Variants in DAB1 observed in about 807,000 individuals in gnomAD.
The protein encoded by DAB1 is DAB adaptor protein 1, also known as disabled homolog 1.
Under a neutral mutation model 64.6 loss-of-function variants are expected in DAB1, and 15 were observed. That is an observed-to-expected ratio of 0.23 (90% CI 0.16 to 0.36). The LOEUF (loss-of-function observed/expected upper bound fraction) is 0.36. Among genes scored for constraint, DAB1 ranks in the 10% least tolerant of loss-of-function variants. DAB1 has a pLI of 1.00. For missense variants in DAB1, 596 were observed against 706.7 expected (o/e 0.84, Z 1.78); for synonymous variants, 235 against 251.9 (o/e 0.93, Z 0.64).
chr1:57,753,187 AT>A (rs1648635518), intron 6 of DAB1, among the ~76,000 whole-genome samples: 1 of 152,146 alleles, frequency 6.6e-6, no homozygotes, highest in African/African-American at 2.4e-5. Flanking sequence ...TCAACATGAC[AT>A]TTAACATAGG....
intron 1 of DAB1, among the ~76,000 whole-genome samples, chr1:57,408,263 G>A (rs1412129569): frequency 6.6e-6 from 1 of 150,676 alleles, no homozygotes. Context: ...GGGATCTAAT[G>A]TGTTCATAAT....
intron 2 of DAB1, among the ~76,000 whole-genome samples, chr1:57,181,475 A>G (rs1195664833): frequency 1.3e-5 from 2 of 152,186 alleles, no homozygotes; most frequent in East Asian, 3.9e-4. Context: ...GAAAATGCCC[A>G]TGACAATCTA....
At chr1:57,378,170 C>T (rs553652889) in intron 1 of DAB1, among the ~76,000 whole-genome samples, 26 of 152,290 alleles carry the variant, frequency 1.7e-4, no homozygotes, top group Admixed American at 9.2e-4. Flanking sequence ...AAACAAAAGA[C>T]GTCCAGCTCA....
chr1:57,364,704 T>C (rs960314533), intron 1 of DAB1, among the ~76,000 whole-genome samples: 5 of 151,994 alleles, frequency 3.3e-5, no homozygotes, highest in African/African-American at 1.2e-4. Flanking sequence ...AAGGGAATAC[T>C]ACTAATAAAC....
At chr1:57,849,165 G>A (rs1308591977) in intron 1 of DAB1, among the ~76,000 whole-genome samples, 2 of 152,118 alleles carry the variant, frequency 1.3e-5, no homozygotes, top group Admixed American at 6.5e-5. Flanking sequence ...ACCAGCCCTG[G>A]AGCACTATGT....
rs1445858370 is a variant in DAB1 at position 57,652,702 on chromosome 1, T to C, written n.552-3037A>G. On this transcript the variant is annotated intron_variant and non_coding_transcript_variant, in intron 6 of 20. Transcript: ENST00000485760. ...CTTAATGTAGCTAAAGATTTGTAAA[T>C]TTTGATCTTTTTAAAGAACCAACTC... Among the ~76,000 whole-genome samples, 7 of 152,246 alleles carry C rather than the reference T, an allele frequency of 4.6e-5. 1 individual carries two copies. The highest frequency in any genetic ancestry group is 4.6e-4 in the Admixed American group (7 of 15,286).
At chr1:58,514,414 C>G (rs1406239421) in intron 2 of DAB1, among the ~76,000 whole-genome samples, 1 of 152,138 alleles carries the variant, frequency 6.6e-6, no homozygotes, top group African/African-American at 2.4e-5. Context: ...TTACCTGTAG[C>G]CAACGTTTTC....
intron 2 of DAB1, among the ~76,000 whole-genome samples, chr1:57,244,693 A>G (rs1219458936): frequency 1.3e-5 from 2 of 152,214 alleles, no homozygotes; most frequent in African/African-American, 4.8e-5. Flanking sequence ...GGCTTCAAAT[A>G]AACACCATAA....
chr1:57,623,602 G>C (rs1296756670), intron 7 of DAB1, among the ~76,000 whole-genome samples: 1 of 152,122 alleles, frequency 6.6e-6, no homozygotes, highest in African/African-American at 2.4e-5. Flanking sequence ...AACTGAGTGG[G>C]ACATGCAAGA....
chr1:57,174,695 T>G lies in DAB1; in HGVS notation c.68-29266A>C, dbSNP rs144239350. ...TGTTAGGCTCACCACTGCTTTGGAT[T>G]GACCCCCACTCTTCTTTCTCACTAT... On this transcript the variant is annotated intron_variant, in intron 2 of 14. Transcript: ENST00000371236. 2.5e-4 allele frequency among the ~76,000 whole-genome samples: 38 copies of G among 152,298 alleles called. No individual in the cohort carries two copies. The East Asian group carries it at 7.1e-3, about 29-fold the overall frequency.
rs145093262 is a variant in DAB1, at chr1:58,134,630, C to T, written n.387+15881G>A. ...ACAGAAGGTAAAGGAGAAGCAGGCA[C>T]ATTTCACATGGCCAGCAGGAGAGAG... On this transcript the variant is annotated intron_variant and non_coding_transcript_variant, in intron 5 of 20. Transcript: ENST00000485760. 2.1e-3 allele frequency among the ~76,000 whole-genome samples: 322 copies of T among 152,290 alleles called. 2 individuals are homozygous for T. Among genetic ancestry groups the T allele is most frequent in the African/African-American group, 7.1e-3 (296 of 41,554 alleles).
chr1:58,110,842 G>C (rs1381410220), intron 5 of DAB1, among the ~76,000 whole-genome samples: 2 of 152,196 alleles, frequency 1.3e-5, no homozygotes, highest in Admixed American at 6.5e-5. Flanking sequence ...TTATTATTTA[G>C]GAAGTTGCTG....
chr1:58,316,678 A>G (rs1662565415), intron 4 of DAB1, among the ~76,000 whole-genome samples: 1 of 152,222 alleles, frequency 6.6e-6, no homozygotes, highest in African/African-American at 2.4e-5. Flanking sequence ...TTCAAAGATC[A>G]GAGACATGAA....
At chr1:58,528,543 C>T (rs1646385861) in intron 1 of DAB1, among the ~76,000 whole-genome samples, 1 of 152,194 alleles carries the variant, frequency 6.6e-6, no homozygotes, top group Non-Finnish European at 1.5e-5. Flanking sequence ...ATATTTATTA[C>T]TGTCATAACT....
At chr1:58,161,603 T>C (rs913826996) in intron 4 of DAB1, among the ~76,000 whole-genome samples, 3 of 152,146 alleles carry the variant, frequency 2.0e-5, no homozygotes, top group Non-Finnish European at 2.9e-5. Context: ...TATGTATATG[T>C]ATATATTTAA....
intron 5 of DAB1, among the ~76,000 whole-genome samples, chr1:58,004,365 T>C (rs1322403311): frequency 1.3e-5 from 2 of 151,928 alleles, no homozygotes; most frequent in Middle Eastern, 3.2e-3. Flanking sequence ...AGGCCAGGGG[T>C]GGAGATGTTG....
chr1:58,097,049 C>A (rs1258869238), intron 5 of DAB1, among the ~76,000 whole-genome samples: 1 of 152,210 alleles, frequency 6.6e-6, no homozygotes, highest in Non-Finnish European at 1.5e-5. Context: ...AGCAATTTAC[C>A]CTTAACCCTT....
chr1:57,179,610 C>G (rs1387041094), intron 2 of DAB1, among the ~76,000 whole-genome samples: 2 of 152,160 alleles, frequency 1.3e-5, no homozygotes, highest in Non-Finnish European at 2.9e-5. Context: ...GCTGTATTCA[C>G]TATGAACCAA....
At position 57,180,657 on chromosome 1, in the gene DAB1, C is replaced by A. The variant is rs141100797; in HGVS notation, c.68-35228G>T. Among the ~76,000 whole-genome samples, 272 of 152,048 alleles carry A rather than the reference C, an allele frequency of 1.8e-3. 3 individuals carry two copies. The highest frequency in any genetic ancestry group is 6.4e-3 in the African/African-American group (267 of 41,474). On this transcript the variant is annotated intron_variant, in intron 2 of 14. Coordinates refer to ENST00000371236, the MANE Select transcript of DAB1 (RefSeq NM_001365792.1). ...TCCTAGATACACTTCCACTGAAATGCAAATAAAAGGACTCCCCCCCACAAC... is the reference window on the plus strand; with the variant it reads ...TCCTAGATACACTTCCACTGAAATGAAAATAAAAGGACTCCCCCCCACAAC...
Sources: allele counts gnomAD v4.1 joint callset (sites outside exome capture counted in the v4.1 genomes callset), GRCh38; gene constraint gnomAD v4.1.1; transcripts MANE v1.5; gene names NCBI Gene and HGNC (gene_info 2026-07-23, HGNC 2026-07-21).